The following LPAR1 variants were observed in gnomAD, a reference collection of about 807,000 sequenced individuals.
LPAR1 encodes LPA receptor 1.
A neutral mutation model predicts 23.8 loss-of-function variants in LPAR1; 5 were observed. That is an observed-to-expected ratio of 0.21 (90% CI 0.11 to 0.44). The LOEUF is 0.44. LPAR1 is among the 20% of genes least tolerant of loss of function. LPAR1 has a pLI of 0.99. For synonymous variants in LPAR1, 160 were observed against 164.7 expected, an observed-to-expected ratio of 0.97 and a Z score of 0.22; for missense variants, 311 against 482.8, an observed-to-expected ratio of 0.64 and a Z score of 3.33.
chr9:110,947,034 G>A (rs966176850), intron 4 of LPAR1, among the ~76,000 whole-genome samples: 3 of 152,052 alleles, frequency 2.0e-5, no homozygotes, highest in African/African-American at 7.2e-5. Flanking sequence ...AAGCAGAATG[G>A]CAACTTTTTG....
At chr9:110,983,411 A>C (rs1026059574) in intron 2 of LPAR1, among the ~76,000 whole-genome samples, 1 of 152,086 alleles carries the variant, frequency 6.6e-6, no homozygotes, top group Non-Finnish European at 1.5e-5. Context: ...CAGTCAAAAA[A>C]GGACAAATAC....
chr9:111,014,743 C>T (rs1409378166), intron 2 of LPAR1, among the ~76,000 whole-genome samples: 1 of 151,968 alleles, frequency 6.6e-6, no homozygotes, highest in Non-Finnish European at 1.5e-5. Context: ...ATCTGGAGTT[C>T]TTTTCTGGGC....
chr9:110,998,174 T>G (rs2097056347), intron 2 of LPAR1, among the ~76,000 whole-genome samples: 1 of 152,218 alleles, frequency 6.6e-6, no homozygotes, highest in Non-Finnish European at 1.5e-5. Context: ...AAAAAATCAG[T>G]GGCCTCACAT....
At chr9:110,971,618 G>T (rs1187224644) in intron 4 of LPAR1, among the ~76,000 whole-genome samples, 3 of 152,100 alleles carry the variant, frequency 2.0e-5, no homozygotes, top group Non-Finnish European at 2.9e-5. Flanking sequence ...AAAGTTCCTA[G>T]AACAGATCAA....
intron 2 of LPAR1, among the ~76,000 whole-genome samples, chr9:111,030,045 C>CA (rs56962960): frequency 0.035 from 2,598 of 74,166 alleles, 52 homozygotes; most frequent in African/African-American, 0.06. Context: ...GGCTCTGCCT[C>CA]AAAAAAAAAA....
chr9:110,876,833 AATCACTC>A (rs1194682648), intron 5 of LPAR1, among the ~76,000 whole-genome samples: 4 of 152,180 alleles, frequency 2.6e-5, no homozygotes, highest in African/African-American at 9.7e-5. Context: ...TAGTTTCTGA[AATCACTC>A]ATCATTTGGA....
At chr9:110,921,975 C>A (rs2093660816) in intron 5 of LPAR1, among the ~76,000 whole-genome samples, 1 of 152,220 alleles carries the variant, frequency 6.6e-6, no homozygotes, top group African/African-American at 2.4e-5. Context: ...GCATCTAGGT[C>A]TGCAAAGGTC....
In LPAR1 at chr9:110,930,979, T is replaced by C. The variant is rs567862001; in HGVS notation, c.793+10442A>G. Among the ~76,000 whole-genome samples the C allele has an allele frequency of 2.6e-4, 39 of 152,270 alleles. No homozygotes were observed. The South Asian group carries it at 8.1e-3, about 32-fold the overall frequency. ...ATGCAGCCAGAAAGTTCTAAGTAAA[T>C]ATTGTCTGACAATTCTGGAAGCTTC... On this transcript the variant is annotated intron_variant, in intron 5 of 5. Coordinates refer to ENST00000683809, the MANE Select transcript of LPAR1 (RefSeq NM_001351411.2).
chr9:110,995,722 T>C (rs1252128056), intron 2 of LPAR1, among the ~76,000 whole-genome samples: 1 of 152,158 alleles, frequency 6.6e-6, no homozygotes, highest in African/African-American at 2.4e-5. Flanking sequence ...GCATCTCAAA[T>C]GTTACCACTC....
intron 4 of LPAR1, among the ~76,000 whole-genome samples, chr9:110,958,899 A>G (rs1403481602): frequency 2.0e-5 from 3 of 151,798 alleles, no homozygotes; most frequent in African/African-American, 7.3e-5. Flanking sequence ...AAAAGTGGGC[A>G]AAGGATATGA....
At chr9:110,912,551 C>T (rs1268835898) in intron 5 of LPAR1, among the ~76,000 whole-genome samples, 1 of 152,126 alleles carries the variant, frequency 6.6e-6, no homozygotes, top group Non-Finnish European at 1.5e-5. Flanking sequence ...CACAATAAAA[C>T]CCGTTTTCAG....
At chr9:110,925,090 A>T (rs1317133412) in intron 5 of LPAR1, among the ~76,000 whole-genome samples, 1 of 152,146 alleles carries the variant, frequency 6.6e-6, no homozygotes, top group Non-Finnish European at 1.5e-5. Context: ...TTCCCATCAC[A>T]CAACAGGCAA....
chr9:110,954,706 A>G (rs1455179369), intron 4 of LPAR1, among the ~76,000 whole-genome samples: 1 of 152,062 alleles, frequency 6.6e-6, no homozygotes, highest in Non-Finnish European at 1.5e-5. Context: ...GGAAAAAAAC[A>G]AACAAACAAA....
chr9:111,027,435 A>G (rs961514186), intron 2 of LPAR1, among the ~76,000 whole-genome samples: 2 of 152,210 alleles, frequency 1.3e-5, no homozygotes, highest in Non-Finnish European at 2.9e-5. Context: ...CAGGAGTTTG[A>G]GGCCACAGTG....
At chr9:110,977,753 C>T (rs929571717) in intron 2 of LPAR1, among the ~76,000 whole-genome samples, 3 of 145,862 alleles carry the variant, frequency 2.1e-5, no homozygotes, top group Non-Finnish European at 3.0e-5. Flanking sequence ...ACATGTATCC[C>T]GGAACTTAAA....
chr9:110,891,297 C>T lies in LPAR1; in HGVS notation c.794-15575G>A, dbSNP rs559703218. Among the ~76,000 whole-genome samples the T allele has an allele frequency of 2.0e-5, 3 of 152,008 alleles. No homozygotes were observed. The South Asian group carries it at 6.2e-4, about 32-fold the overall frequency. ...CATCTAGCAAAAGTATGTTATTCTT[C>T]AATAAAGAACATTACATAACTTTTA... On this transcript the variant is annotated intron_variant, in intron 5 of 5. Transcript: ENST00000683809.
intron 2 of LPAR1, among the ~76,000 whole-genome samples, chr9:111,016,825 T>A (rs2097456919): frequency 6.6e-6 from 1 of 152,276 alleles, no homozygotes; most frequent in Admixed American, 6.5e-5. Flanking sequence ...GTCTGAACTG[T>A]CTTGCTTTGG....
At chr9:110,907,916 AAC>A (rs35043548) in intron 5 of LPAR1, among the ~76,000 whole-genome samples, 7,356 of 139,572 alleles carry the variant, frequency 0.053, 182 homozygotes, top group East Asian at 0.09. Flanking sequence ...CCTTTGACAA[AAC>A]ACACACACAC....
intron 5 of LPAR1, among the ~76,000 whole-genome samples, chr9:110,896,932 C>T (rs948463714): frequency 2.6e-5 from 4 of 151,860 alleles, no homozygotes; most frequent in Non-Finnish European, 5.9e-5. Context: ...GGACTACAGG[C>T]GCCTGCCACC....
Sources: allele counts gnomAD v4.1 joint callset (sites outside exome capture counted in the v4.1 genomes callset), GRCh38; gene constraint gnomAD v4.1.1; transcripts MANE v1.5; gene names NCBI Gene and HGNC (gene_info 2026-07-23, HGNC 2026-07-21).